Variants in ZNF385D observed in about 807,000 individuals in gnomAD.
The protein encoded by ZNF385D is zinc finger protein 385D.
ZNF385D carries 15 observed loss-of-function variants against 35.8 expected under a neutral mutation model. The ratio of observed to expected loss-of-function variants is 0.42; its 90% CI spans 0.28 to 0.64. The LOEUF is 0.64. ZNF385D is among the 30% of genes least tolerant of loss of function. ZNF385D has a pLI of 0.23. For synonymous variants in ZNF385D, 212 were observed against 186.8 expected (o/e 1.13, Z -1.10); for missense variants, 474 against 494.6 (o/e 0.96, Z 0.39).
chr3:21,791,379 A>C (rs1371298851), intron 3 of ZNF385D, among the ~76,000 whole-genome samples: 1 of 152,226 alleles, frequency 6.6e-6, no homozygotes, highest in Non-Finnish European at 1.5e-5. Context: ...TAGGGGACAA[A>C]TGAAAAACAT....
At chr3:21,752,965 T>C (rs2070173751), upstream of ZNF385D, among the ~76,000 whole-genome samples, 1 of 152,188 alleles carries the variant, frequency 6.6e-6, no homozygotes, top group African/African-American at 2.4e-5. Flanking sequence ...GGGGGCACTG[T>C]AGTTTAATGT....
intron 3 of ZNF385D, among the ~76,000 whole-genome samples, chr3:21,882,062 ATTGT>A (rs1698305410): frequency 6.6e-6 from 1 of 152,018 alleles, no homozygotes; most frequent in African/African-American, 2.4e-5. Flanking sequence ...TGCTTTGAAC[ATTGT>A]TTGAAATGTC....
At chr3:21,718,660 C>T (rs763644414) in intron 1 of ZNF385D, among the ~76,000 whole-genome samples, 1 of 152,042 alleles carries the variant, frequency 6.6e-6, no homozygotes, top group African/African-American at 2.4e-5. Context: ...GGACTTGAGC[C>T]CAGACATTCA....
chr3:22,191,702 G>C (rs1399023085), intron 2 of ZNF385D, among the ~76,000 whole-genome samples: 1 of 149,154 alleles, frequency 6.7e-6, no homozygotes, highest in Non-Finnish European at 1.5e-5. Context: ...TGTAGTACTT[G>C]TACTTGTAAA....
chr3:22,340,366 G>T (rs1243428619), intron 2 of ZNF385D, among the ~76,000 whole-genome samples: 1 of 151,972 alleles, frequency 6.6e-6, no homozygotes, highest in Non-Finnish European at 1.5e-5. Context: ...AAGAAGTGAG[G>T]TGGGCGTGGT....
intron 3 of ZNF385D, among the ~76,000 whole-genome samples, chr3:22,167,642 G>A (rs1706422484): frequency 6.6e-6 from 1 of 152,154 alleles, no homozygotes; most frequent in Admixed American, 6.5e-5. Flanking sequence ...GGCAGAGCCA[G>A]CCCCAAAGCC....
intron 3 of ZNF385D, among the ~76,000 whole-genome samples, chr3:21,842,033 ATGTATT>A (rs1462891255): frequency 1.3e-5 from 2 of 151,852 alleles, no homozygotes; most frequent in African/African-American, 2.4e-5. Context: ...ATAATTGAAA[ATGTATT>A]TGTATAATTT....
At chr3:21,934,711 C>A (rs1701178115) in intron 3 of ZNF385D, among the ~76,000 whole-genome samples, 1 of 152,146 alleles carries the variant, frequency 6.6e-6, no homozygotes, top group African/African-American at 2.4e-5. Flanking sequence ...GTTTGGGGGA[C>A]ACATTTCTTC....
intron 3 of ZNF385D, among the ~76,000 whole-genome samples, chr3:21,946,912 T>A (rs758491637): frequency 6.6e-6 from 1 of 152,236 alleles, no homozygotes; most frequent in Non-Finnish European, 1.5e-5. Flanking sequence ...TAAGAAGCCA[T>A]ATCACATTGC....
At chr3:22,115,788 G>A (rs904887648) in intron 3 of ZNF385D, among the ~76,000 whole-genome samples, 15 of 152,082 alleles carry the variant, frequency 9.9e-5, no homozygotes, top group African/African-American at 3.6e-4. Context: ...GCACTTTGGT[G>A]ATTTAATCAT....
In ZNF385D at chr3:22,100,849, AAAAG is replaced by A. The variant is rs1339561450; in HGVS notation, c.325+67964_325+67967del. 4.6e-5 allele frequency among the ~76,000 whole-genome samples: 7 copies of A among 152,048 alleles called. 1 individual carries two copies. Among genetic ancestry groups the A allele is most frequent in the African/African-American group, 1.4e-4 (6 of 41,546 alleles). ...AAAGTATAATAATATTAAAATAAAA[AAAAG>A]AAAATCACATAAAAAATAAAATAAA... On this transcript the variant is annotated intron_variant, in intron 3 of 5. Coordinates refer to the ZNF385D transcript ENST00000494108.
chr3:21,874,768 T>TA (rs1257471602), intron 3 of ZNF385D, among the ~76,000 whole-genome samples: 3 of 152,082 alleles, frequency 2.0e-5, no homozygotes, highest in Non-Finnish European at 2.9e-5. Context: ...TCTATTTCCG[T>TA]AAAAAATGTT....
At position 22,288,054 on chromosome 3, in the gene ZNF385D, TTC is replaced by T. The variant is rs200138138; in HGVS notation, c.106+84394_106+84395del. Among the ~76,000 whole-genome samples, 410 of 152,056 alleles carry T rather than the reference TTC, an allele frequency of 2.7e-3. 1 individual carries two copies. The Middle Eastern group carries it at 0.027, about 10-fold the overall frequency. Reference sequence around the variant, plus strand: ...ATCTTGACAGGCAAGGTTTGTTTTTTTCTCTCAGTATTCTGAAATATCAAACC... The same window carrying T: ...ATCTTGACAGGCAAGGTTTGTTTTTTTCTCAGTATTCTGAAATATCAAACC... On this transcript the variant is annotated intron_variant, in intron 2 of 5. Coordinates refer to the ZNF385D transcript ENST00000494108.
chr3:22,219,953 A>G (rs986019239), intron 2 of ZNF385D, among the ~76,000 whole-genome samples: 2 of 151,878 alleles, frequency 1.3e-5, no homozygotes, highest in East Asian at 1.9e-4. Flanking sequence ...AAATGGGTTC[A>G]TTTTATTTTC....
chr3:21,522,321 A>G (rs904384566), intron 3 of ZNF385D, among the ~76,000 whole-genome samples: 2 of 152,078 alleles, frequency 1.3e-5, no homozygotes, highest in Non-Finnish European at 2.9e-5. Flanking sequence ...GTGGACCCAC[A>G]GAAAGCATTG....
At chr3:21,723,674 T>C (rs771969562) in intron 1 of ZNF385D, among the ~76,000 whole-genome samples, 8 of 152,270 alleles carry the variant, frequency 5.3e-5, no homozygotes, top group Non-Finnish European at 1.0e-4. Flanking sequence ...CTACATTTGA[T>C]TGATGTGCTT....
intron 2 of ZNF385D, among the ~76,000 whole-genome samples, chr3:22,285,279 A>C (rs1037812871): frequency 6.6e-6 from 1 of 152,160 alleles, no homozygotes; most frequent in Non-Finnish European, 1.5e-5. Flanking sequence ...CCTCCACCAC[A>C]TTCCTTTCTG....
chr3:21,534,942 TA>T (rs1457087063), intron 3 of ZNF385D, among the ~76,000 whole-genome samples: 1 of 152,082 alleles, frequency 6.6e-6, no homozygotes, highest in African/African-American at 2.4e-5. Flanking sequence ...TCTACATAAG[TA>T]AAACTGAGAT....
Position 21,478,639 on chromosome 3 carries a change from G to A in ZNF385D, c.439+32222C>T, listed in dbSNP as rs374041649. Among the ~76,000 whole-genome samples, 619 of 152,202 alleles carry A rather than the reference G, an allele frequency of 4.1e-3. 13 individuals carry two copies. Among genetic ancestry groups the A allele is most frequent in the Non-Finnish European group, 5.7e-3 (385 of 67,978 alleles). ...AATATTTTCTAGTCAAAATCCTCAC[G>A]CTTAGGCGTAACTTAGCCTAAGCTG... On this transcript the variant is annotated intron_variant, in intron 4 of 7. Coordinates refer to ENST00000281523, the MANE Select transcript of ZNF385D (RefSeq NM_024697.3).
Sources: allele counts gnomAD v4.1 joint callset (sites outside exome capture counted in the v4.1 genomes callset), GRCh38; gene constraint gnomAD v4.1.1; transcripts MANE v1.5; gene names NCBI Gene and HGNC (gene_info 2026-07-23, HGNC 2026-07-21).